ACVR1C: variants seen among roughly 807,000 people sequenced by gnomAD.
ACVR1C encodes the protein activin A receptor type 1C.
ACVR1C carries 23 observed loss-of-function variants against 57.9 expected under a neutral mutation model. The ratio of observed to expected loss-of-function variants is 0.40; its 90% confidence interval spans 0.29 to 0.56. ACVR1C has a LOEUF of 0.56. Among genes scored for constraint, ACVR1C ranks in the 20% least tolerant of loss-of-function variants. The pLI is 0.50. For synonymous variants in ACVR1C, 214 were observed against 215.3 expected, an observed-to-expected ratio of 0.99 and a Z score of 0.05; for missense variants, 480 against 607.9, an observed-to-expected ratio of 0.79 and a Z score of 2.21.
intron 6 of ACVR1C, among the ~76,000 whole-genome samples, chr2:157,542,025 C>T (rs116249051): frequency 0.011 from 1,726 of 152,296 alleles, 39 homozygotes; most frequent in African/African-American, 0.04. Flanking sequence ...AATCCCATTC[C>T]TAATGGGCCT....
chr2:157,566,709 T>A (rs1288686055), intron 2 of ACVR1C, among the ~76,000 whole-genome samples: 2 of 151,574 alleles, frequency 1.3e-5, no homozygotes, highest in African/African-American at 4.9e-5. Context: ...CAGAGGGTCC[T>A]ACGCCCAGGG....
intron 1 of ACVR1C, among the ~76,000 whole-genome samples, chr2:157,589,879 A>G (rs532972644): frequency 1.3e-5 from 2 of 152,142 alleles, no homozygotes; most frequent in East Asian, 1.9e-4. Flanking sequence ...ATAAAGCTAC[A>G]TACTTACAAC....
intron 1 of ACVR1C, among the ~76,000 whole-genome samples, chr2:157,611,511 G>A (rs1266373179): frequency 6.6e-6 from 1 of 152,082 alleles, no homozygotes; most frequent in African/African-American, 2.4e-5. Context: ...GGGCCTCCAG[G>A]TGGCTGCTTG....
At chr2:157,588,848 CATATATATATATATATATATATAT>C in intron 1 of ACVR1C, among the ~76,000 whole-genome samples, 1 of 89,094 alleles carries the variant, frequency 1.1e-5, no homozygotes, top group Non-Finnish European at 2.4e-5. Flanking sequence ...ACAAACACAC[CATATATATATATATATATATATAT>C]ATATATACGT....
intron 3 of ACVR1C, among the ~76,000 whole-genome samples, chr2:157,554,201 G>GAGAGAGAGAAAGAAAGAAAGAA (rs1553481316): frequency 3.4e-4 from 14 of 41,444 alleles, no homozygotes; most frequent in African/African-American, 1.6e-3. Context: ...ATAAAGAAGA[G>GAGAGAGAGAAAGAAAGAAAGAA]AGAAAGAAAG....
intron 3 of ACVR1C, 114 bp downstream of exon 3, chr2:157,555,979 G>A (rs1688089199): frequency 8.0e-7 from 1 of 1,243,642 alleles, no homozygotes; most frequent in Admixed American, 2.7e-5. Context: ...AGCTCACCAT[G>A]TATCCTTTCA....
chr2:157,566,936 GCAGTA>G (rs1303822697), intron 2 of ACVR1C, among the ~76,000 whole-genome samples: 1 of 143,886 alleles, frequency 6.9e-6, no homozygotes, highest in Non-Finnish European at 1.5e-5. Flanking sequence ...CAAAAAGACA[GCAGTA>G]ACCTCTGCAG....
chr2:157,625,248 C>A (rs142167112), intron 1 of ACVR1C, among the ~76,000 whole-genome samples: 1 of 152,148 alleles, frequency 6.6e-6, no homozygotes, highest in Non-Finnish European at 1.5e-5. Context: ...GTCTGCCCCA[C>A]CCCAATTAAG....
At chr2:157,593,136 G>C (rs1270876564) in intron 1 of ACVR1C, among the ~76,000 whole-genome samples, 1 of 152,028 alleles carries the variant, frequency 6.6e-6, no homozygotes, top group Admixed American at 6.6e-5. Context: ...TAAAGGATGT[G>C]CACATTCCTA....
rs1332511522 is a variant in ACVR1C, at chr2:157,533,527, A to C, written c.*391T>G. ...CATGCTCTAATTTGCATGTTTAATT[A>C]ATATGTTTTCATCTCAGAAAAAAAT... On this transcript the variant is annotated 3_prime_UTR_variant, in exon 9 of 9. Transcript: ENST00000243349. 1 of 153,180 alleles carries C rather than the reference A, an allele frequency of 6.5e-6. No individual in the cohort carries two copies. Among genetic ancestry groups the C allele is most frequent in the African/African-American group, 2.4e-5 (1 of 41,476 alleles). The allele number at this position is 153,180 out of a possible 1,614,324, so 9.5% of individuals were successfully genotyped here.
At chr2:157,601,833 A>G (rs1336589759) in intron 1 of ACVR1C, among the ~76,000 whole-genome samples, 1 of 152,206 alleles carries the variant, frequency 6.6e-6, no homozygotes, top group East Asian at 1.9e-4. Flanking sequence ...AATAATTCCT[A>G]TCTCACAGGA....
chr2:157,622,681 A>G (rs750534818), intron 1 of ACVR1C, among the ~76,000 whole-genome samples: 4 of 152,236 alleles, frequency 2.6e-5, no homozygotes, highest in African/African-American at 7.2e-5. Context: ...GAAAATCTCC[A>G]GGACATCAGT....
intron 1 of ACVR1C, among the ~76,000 whole-genome samples, chr2:157,615,788 A>G (rs538516272): frequency 6.6e-6 from 1 of 152,266 alleles, no homozygotes; most frequent in East Asian, 1.9e-4. Context: ...CTGTTCTTGT[A>G]AAAAAATTAA....
chr2:157,581,569 A>G (rs1359722955), intron 2 of ACVR1C, among the ~76,000 whole-genome samples: 1 of 152,174 alleles, frequency 6.6e-6, no homozygotes, highest in East Asian at 1.9e-4. Flanking sequence ...CCCAACCATA[A>G]CAAATAGGAT....
chr2:157,543,761 A>G (rs1687673866), intron 5 of ACVR1C, among the ~76,000 whole-genome samples: 1 of 152,212 alleles, frequency 6.6e-6, no homozygotes, highest in Admixed American at 6.5e-5. Context: ...TACATGATAT[A>G]CAAATATTTT....
intron 4 of ACVR1C, among the ~76,000 whole-genome samples, chr2:157,545,940 A>G (rs1469665756): frequency 6.6e-6 from 1 of 151,894 alleles, no homozygotes; most frequent in Non-Finnish European, 1.5e-5. Context: ...AAGCCCAGCT[A>G]ATTTTTTTAT....
chr2:157,625,313 C>T (rs1682871661), intron 1 of ACVR1C, among the ~76,000 whole-genome samples: 2 of 152,290 alleles, frequency 1.3e-5, no homozygotes, highest in Non-Finnish European at 1.5e-5. Flanking sequence ...TAGCTACTCA[C>T]TTTCACACCT....
intron 2 of ACVR1C, among the ~76,000 whole-genome samples, chr2:157,581,318 A>C (rs1240341592): frequency 1.3e-5 from 2 of 152,210 alleles, no homozygotes; most frequent in Non-Finnish European, 2.9e-5. Flanking sequence ...GAAATCATCA[A>C]AGATTCAAAA....
chr2:157,620,354 A>G lies in ACVR1C; in HGVS notation c.73+8218T>C, dbSNP rs146442732. 5.2e-3 allele frequency among the ~76,000 whole-genome samples: 787 copies of G among 152,236 alleles called. 7 individuals carry two copies. The highest frequency in any genetic ancestry group is 0.017 in the African/African-American group (705 of 41,576). On this transcript the variant is annotated intron_variant, in intron 1 of 8. Coordinates refer to ENST00000243349, the MANE Select transcript of ACVR1C (RefSeq NM_145259.3). ...ACTATCAGAGCAAGCAAATGTCCAC[A>G]GAATAGAATTTTTACTCTTGGAGAA...
Sources: allele counts gnomAD v4.1 joint callset (sites outside exome capture counted in the v4.1 genomes callset), GRCh38; gene constraint gnomAD v4.1.1; transcripts MANE v1.5; gene names NCBI Gene and HGNC (gene_info 2026-07-23, HGNC 2026-07-21).